The following ZPBP variants were observed in gnomAD, a reference collection of about 807,000 sequenced individuals.
The protein encoded by ZPBP is zona pellucida binding protein, also known as zona pellucida-binding protein 1.
ZPBP carries 26 observed loss-of-function variants against 44.8 expected under a neutral mutation model. The ratio of observed to expected loss-of-function variants is 0.58; its 90% CI spans 0.43 to 0.81. ZPBP has a LOEUF of 0.81. Ranked by LOEUF, ZPBP falls within the 30% of genes least tolerant of loss-of-function variation. ZPBP has a pLI of 0.00. For synonymous variants in ZPBP, 174 were observed against 153.2 expected, an observed-to-expected ratio of 1.14 and a Z score of -1.00; for missense variants, 409 against 434.0, an observed-to-expected ratio of 0.94 and a Z score of 0.51.
At chr7:49,901,300 T>A (rs1792709890) in intron 1 of ZPBP, 1 of 151,840 alleles carries the variant, frequency 6.6e-6, no homozygotes, top group African/African-American at 2.4e-5. Context: ...GATGACATGA[T>A]GGTCTGTGTA....
At chr7:49,893,819 G>A (rs1350357200) in intron 2 of ZPBP, among the ~76,000 whole-genome samples, 1 of 152,160 alleles carries the variant, frequency 6.6e-6, no homozygotes, top group Non-Finnish European at 1.5e-5. Context: ...TACAGAAAAA[G>A]CAGCTGTTTC....
chr7:50,005,710 A>C (rs1169639847), intron 6 of ZPBP, among the ~76,000 whole-genome samples: 2 of 151,816 alleles, frequency 1.3e-5, no homozygotes, highest in Admixed American at 1.3e-4. Flanking sequence ...GTAAGGGAGG[A>C]AAAGAGGGCA....
intron 4 of ZPBP, among the ~76,000 whole-genome samples, chr7:50,042,413 G>A (rs1388681476): frequency 6.6e-6 from 1 of 152,030 alleles, no homozygotes; most frequent in Non-Finnish European, 1.5e-5. Context: ...AAAATGTTAA[G>A]GGCAGCCAGA....
chr7:50,008,988 C>T (rs889664185), intron 6 of ZPBP, among the ~76,000 whole-genome samples: 1 of 152,004 alleles, frequency 6.6e-6, no homozygotes, highest in African/African-American at 2.4e-5. Context: ...AATCTCAGTA[C>T]TTTGGGAGGC....
intron 2 of ZPBP, among the ~76,000 whole-genome samples, chr7:49,898,164 TTATATGTGTGTGTGTA>T (rs759872530): frequency 2.6e-5 from 4 of 152,026 alleles, no homozygotes; most frequent in Non-Finnish European, 5.9e-5. Flanking sequence ...TGTGTATGCT[TTATATGTGTGTGTGTA>T]TATATGTGTG....
intron 2 of ZPBP, among the ~76,000 whole-genome samples, chr7:49,897,001 T>C (rs1562759096): frequency 1.3e-5 from 2 of 151,334 alleles, no homozygotes; most frequent in Non-Finnish European, 2.9e-5. Context: ...GTTCACGCCA[T>C]TCTCCTGCCT....
At chr7:49,930,588 T>C (rs182509444) in intron 1 of ZPBP, among the ~76,000 whole-genome samples, 17 of 152,252 alleles carry the variant, frequency 1.1e-4, no homozygotes, top group African/African-American at 4.1e-4. Flanking sequence ...TTAAAAACGA[T>C]ACTGGAGAAC....
chr7:49,859,106 A>G (rs897196029), intron 2 of ZPBP, among the ~76,000 whole-genome samples: 34 of 152,206 alleles, frequency 2.2e-4, no homozygotes, highest in African/African-American at 8.0e-4. Flanking sequence ...TAGGAAGCAT[A>G]CCTTAGAGGA....
intron 5 of ZPBP, among the ~76,000 whole-genome samples, chr7:50,030,778 G>A (rs546738901): frequency 8.5e-5 from 13 of 152,084 alleles, no homozygotes; most frequent in East Asian, 5.8e-4. Context: ...ATATTAACCC[G>A]TCTTATAATT....
intron 4 of ZPBP, among the ~76,000 whole-genome samples, chr7:50,056,891 A>G (rs977860382): frequency 1.3e-5 from 2 of 152,090 alleles, no homozygotes; most frequent in Admixed American, 1.3e-4. Flanking sequence ...GCCCCAGTAA[A>G]ACAGTAGGCC....
At chr7:50,078,907 A>G (rs1296001505) in intron 3 of ZPBP, among the ~76,000 whole-genome samples, 1 of 70,780 alleles carries the variant, frequency 1.4e-5, no homozygotes, top group Non-Finnish European at 3.2e-5. Flanking sequence ...AGACATGAAT[A>G]GACACTTCTC....
intron 6 of ZPBP, among the ~76,000 whole-genome samples, chr7:50,014,848 T>A (rs1006756605): frequency 8.5e-5 from 13 of 152,140 alleles, no homozygotes; most frequent in Non-Finnish European, 1.0e-4. Flanking sequence ...TTGGCCTTAC[T>A]GTAGTCTGGA....
At chr7:49,918,496 T>C (rs1193249197) in intron 1 of ZPBP, 3 of 152,236 alleles carry the variant, frequency 2.0e-5, no homozygotes, top group African/African-American at 7.2e-5. Flanking sequence ...TAAATGCTTA[T>C]GCTATATTTT....
At chr7:50,046,049 A>G (rs1402308642) in intron 4 of ZPBP, among the ~76,000 whole-genome samples, 4 of 152,032 alleles carry the variant, frequency 2.6e-5, no homozygotes, top group Admixed American at 2.0e-4. Flanking sequence ...AATGAGAAAA[A>G]GATTCCTTAT....
At chr7:49,907,817 A>G (rs941162683) in intron 1 of ZPBP, among the ~76,000 whole-genome samples, 4 of 152,204 alleles carry the variant, frequency 2.6e-5, no homozygotes, top group Non-Finnish European at 5.9e-5. Flanking sequence ...TCATATAAAG[A>G]CCTGGAATCA....
intron 1 of ZPBP, chr7:49,917,751 G>T (rs1458585980): frequency 6.6e-6 from 1 of 151,920 alleles, no homozygotes; most frequent in East Asian, 1.9e-4. Context: ...AATATTTAAT[G>T]ATCATTATTT....
At chr7:49,840,972 G>A in the ZPBP span, among the ~76,000 whole-genome samples, 1 of 152,140 alleles carries the variant, frequency 6.6e-6, no homozygotes, top group Admixed American at 6.5e-5. Context: ...AGACTCAGAT[G>A]GTGTCAGGAG....
intron 3 of ZPBP, among the ~76,000 whole-genome samples, chr7:50,067,121 C>G (rs6583423): frequency 0.84 from 127,390 of 152,108 alleles, 53,387 homozygotes; most frequent in East Asian, 0.93. Flanking sequence ...TAGACTTACA[C>G]GCATTTTTTT....
chr7:50,091,161 G>T (rs1413669020), intron 1 of ZPBP, among the ~76,000 whole-genome samples: 2 of 151,712 alleles, frequency 1.3e-5, no homozygotes, highest in Non-Finnish European at 2.9e-5. Flanking sequence ...TGATGGGACT[G>T]TTGGGGTTTT....
Sources: gnomAD v4.1 joint callset for allele counts (sites outside exome capture counted in the v4.1 genomes callset) on GRCh38, gnomAD v4.1.1 for gene constraint, MANE v1.5 for transcripts, NCBI Gene and HGNC (gene_info 2026-07-23, HGNC 2026-07-21) for gene names.